The following SYTL3 variants were observed in gnomAD, a reference collection of about 807,000 sequenced individuals.
The protein encoded by SYTL3 is synaptotagmin like 3, also known as synaptotagmin-like protein 3.
In SYTL3, 88 loss-of-function variants were observed where a neutral mutation model predicts 82.1. That is an observed-to-expected ratio of 1.07 (90% CI 0.90 to 1.28). The LOEUF is 1.28. SYTL3 is among the 50% of genes most tolerant of loss of function. The pLI, the probability that SYTL3 is intolerant of heterozygous loss-of-function variation, is 0.00. For missense variants in SYTL3, 831 were observed against 757.6 expected (o/e 1.10, Z -1.14); for synonymous variants, 311 against 289.4 (o/e 1.07, Z -0.76).
At chr6:158,721,290 A>G (rs61625788) in intron 10 of SYTL3, among the ~76,000 whole-genome samples, 1,702 of 152,026 alleles carry the variant, frequency 0.011, 35 homozygotes, top group African/African-American at 0.039. Flanking sequence ...ATCGTGGGTC[A>G]CTGTAGTCTC....
rs751624665 is a variant in SYTL3, at chr6:158,663,275, C to T, written c.7C>T (p.Gln3Ter). 1 of 1,614,046 alleles carries T rather than the reference C, an allele frequency of 6.2e-7. No individual in the cohort carries two copies. The highest frequency in any genetic ancestry group is 8.5e-7 in the Non-Finnish European group (1 of 1,179,978). The change falls in exon 4 of 18, where the codon CAA becomes TAA. Residue 3 changes from glutamine (Q) to a stop codon, truncating the protein, a stop_gained. Transcript: ENST00000611299. LOFTEE classifies it high-confidence loss of function. ...CAACGAAAACGGAGAAGAAATGGCC[C>T]AAGAAATAGATCTGAGTGCTCTCAA... MA[Q>*]EIDLSALKEL...
At chr6:158,715,617 G>T (rs111346017) in intron 9 of SYTL3, among the ~76,000 whole-genome samples, 5 of 33,586 alleles carry the variant, frequency 1.5e-4, no homozygotes, top group African/African-American at 4.4e-4. Flanking sequence ...ACACACACAC[G>T]CACGCACCCA....
chr6:158,721,417 C>T (rs1232463452), intron 10 of SYTL3, among the ~76,000 whole-genome samples: 1 of 151,892 alleles, frequency 6.6e-6, no homozygotes, highest in African/African-American at 2.4e-5. Flanking sequence ...AGAGATGTTG[C>T]CCAGGCTGGT....
intron 6 of SYTL3, among the ~76,000 whole-genome samples, chr6:158,689,094 G>A (rs763577873): frequency 6.6e-6 from 1 of 152,078 alleles, no homozygotes; most frequent in Non-Finnish European, 1.5e-5. Context: ...GATAGTTAGG[G>A]GATTTCCAGC....
At chr6:158,647,752 T>C (rs1562330172), upstream of SYTL3, among the ~76,000 whole-genome samples, 1 of 152,290 alleles carries the variant, frequency 6.6e-6, no homozygotes, top group Non-Finnish European at 1.5e-5. Context: ...ATCTTTGGCA[T>C]TCTGCCATAT....
chr6:158,648,366 C>T (rs570199160), upstream of SYTL3, among the ~76,000 whole-genome samples: 133 of 151,968 alleles, frequency 8.8e-4, no homozygotes, highest in African/African-American at 3.0e-3. Context: ...CCGAGGCGGG[C>T]GGATCACGAG....
chr6:158,673,641 A>G (rs1423210018), intron 5 of SYTL3, among the ~76,000 whole-genome samples: 2 of 149,558 alleles, frequency 1.3e-5, no homozygotes, highest in African/African-American at 2.5e-5. Context: ...GGGTTTCACC[A>G]TGTTAGCCAG....
intron 2 of SYTL3, among the ~76,000 whole-genome samples, chr6:158,659,774 G>C (rs1445315949): frequency 1.3e-5 from 2 of 152,164 alleles, no homozygotes; most frequent in African/African-American, 2.4e-5. Flanking sequence ...TGGCTACCAG[G>C]AAGGTCAGAA....
At position 158,663,214 on chromosome 6, in the gene SYTL3, G is replaced by A. The variant is rs750528308; in HGVS notation, c.-55G>A. 18 of 1,543,680 alleles carry A rather than the reference G, an allele frequency of 1.2e-5. No individual in the cohort carries two copies. Among genetic ancestry groups the A allele is most frequent in the East Asian group, 2.3e-5 (1 of 44,380 alleles). On this transcript the variant is annotated 5_prime_UTR_variant, in exon 4 of 18. Coordinates refer to ENST00000611299, the MANE Select transcript of SYTL3 (RefSeq NM_001242394.2). ...CGCCGCTCATCTGCAGGGCGTGAGCGCTTGGTCCATGCAGTGAAGCTCTTC... is the reference window on the plus strand; with the variant it reads ...CGCCGCTCATCTGCAGGGCGTGAGCACTTGGTCCATGCAGTGAAGCTCTTC...
chr6:158,727,619 C>T (rs1309569176), intron 11 of SYTL3, among the ~76,000 whole-genome samples: 3 of 151,910 alleles, frequency 2.0e-5, no homozygotes, highest in Non-Finnish European at 4.4e-5. Context: ...GGAATCTTCA[C>T]CCACCAGGCC....
chr6:158,733,318 C>T (rs1028890621), intron 11 of SYTL3, among the ~76,000 whole-genome samples: 2 of 152,056 alleles, frequency 1.3e-5, no homozygotes, highest in Admixed American at 6.6e-5. Context: ...TCTCTATTGT[C>T]TATACTTTTT....
intron 2 of SYTL3, among the ~76,000 whole-genome samples, chr6:158,658,155 G>T (rs1176760786): frequency 6.6e-6 from 1 of 152,174 alleles, no homozygotes; most frequent in African/African-American, 2.4e-5. Context: ...GCCTCCCAAA[G>T]TTCTGGGATT....
At chr6:158,732,155 C>T (rs1045206367) in intron 11 of SYTL3, among the ~76,000 whole-genome samples, 1 of 152,196 alleles carries the variant, frequency 6.6e-6, no homozygotes, top group Non-Finnish European at 1.5e-5. Flanking sequence ...ATGTCCTATA[C>T]AACACTAAAG....
chr6:158,732,910 C>G (rs1371783961), intron 11 of SYTL3, among the ~76,000 whole-genome samples: 1 of 144,758 alleles, frequency 6.9e-6, no homozygotes, highest in East Asian at 2.0e-4. Flanking sequence ...TTTAAAAACT[C>G]AAGCAAAACA....
intron 15 of SYTL3, 68 bp downstream of exon 15, chr6:158,760,813 A>T: frequency 1.6e-6 from 2 of 1,286,746 alleles, no homozygotes; most frequent in South Asian, 1.2e-5. Flanking sequence ...CTGCAGGCAG[A>T]CTGAGGTGGG....
intron 8 of SYTL3, among the ~76,000 whole-genome samples, chr6:158,712,410 C>T (rs1032870981): frequency 6.6e-6 from 1 of 152,170 alleles, no homozygotes; most frequent in Non-Finnish European, 1.5e-5. Context: ...CAAGTGGATG[C>T]CTACAATTAA....
intron 2 of SYTL3, among the ~76,000 whole-genome samples, chr6:158,656,062 G>A (rs925269081): frequency 6.6e-6 from 1 of 152,190 alleles, no homozygotes; most frequent in African/African-American, 2.4e-5. Flanking sequence ...TCACGACTGG[G>A]ATGCCTGTGC....
chr6:158,708,463 C>G, intron 8 of SYTL3, 72 bp downstream of exon 8: 1 of 1,453,096 alleles, frequency 6.9e-7, no homozygotes, highest in Non-Finnish European at 9.7e-7. Flanking sequence ...GGGGAGCTTT[C>G]GAGGCTGAGG....
chr6:158,646,643 CG>C (rs1291832370), upstream of SYTL3, among the ~76,000 whole-genome samples: 1 of 152,194 alleles, frequency 6.6e-6, no homozygotes, highest in African/African-American at 2.4e-5. Context: ...CCTGGGTGTT[CG>C]GCCTGAGCGA....
Sources: allele counts gnomAD v4.1 joint callset (sites outside exome capture counted in the v4.1 genomes callset), GRCh38; gene constraint gnomAD v4.1.1; transcripts MANE v1.5; gene names NCBI Gene and HGNC (gene_info 2026-07-23, HGNC 2026-07-21).